NGEF: variants seen among roughly 807,000 people sequenced by gnomAD.
The protein encoded by NGEF is neuronal guanine nucleotide exchange factor, also known as ephexin-1.
Under a neutral mutation model 80.9 loss-of-function variants are expected in NGEF, and 31 were observed. That is an observed-to-expected ratio of 0.38 (90% CI 0.29 to 0.52). NGEF has a LOEUF of 0.52. NGEF is among the 20% of genes least tolerant of loss of function. The probability of loss-of-function intolerance (pLI) is 0.84; values close to 1 mark genes in which losing one functional copy is unlikely to be tolerated. For missense variants in NGEF, 709 were observed against 926.2 expected (o/e 0.77, Z 3.04); for synonymous variants, 371 against 370.2 (o/e 1.00, Z -0.03).
chr2:232,933,114 A>AT (rs1693251341), intron 3 of NGEF, among the ~76,000 whole-genome samples: 1 of 142,610 alleles, frequency 7.0e-6, no homozygotes, highest in South Asian at 2.2e-4. Context: ...CATCTCAAAA[A>AT]TAAATAAATA....
At chr2:232,889,098 C>A (rs1338447474) in intron 8 of NGEF, among the ~76,000 whole-genome samples, 1 of 152,216 alleles carries the variant, frequency 6.6e-6, no homozygotes, top group Non-Finnish European at 1.5e-5. Context: ...CTCTGCCTGG[C>A]AGCCAAGCCA....
intron 3 of NGEF, chr2:232,928,294 G>T: frequency 1.9e-6 from 1 of 519,734 alleles, no homozygotes; most frequent in South Asian, 8.7e-5. Context: ...CCCCGCGAGC[G>T]CCGACTGCGG....
At chr2:232,941,475 C>T (rs183934807) in intron 3 of NGEF, among the ~76,000 whole-genome samples, 27 of 152,298 alleles carry the variant, frequency 1.8e-4, no homozygotes, top group Admixed American at 3.3e-4. Flanking sequence ...GTTCAGCCTA[C>T]GCCCAGGAAT....
chr2:232,879,768 T>G (rs58835825), intron 14 of NGEF, 89 bp from the exon 15 acceptor site: 86,452 of 1,291,758 alleles, frequency 0.067, 3,420 homozygotes, highest in East Asian at 0.17. Flanking sequence ...CCCCCATCTG[T>G]GGCGGGACAC....
At chr2:232,995,883 A>G (rs1694832197) in intron 1 of NGEF, among the ~76,000 whole-genome samples, 1 of 151,162 alleles carries the variant, frequency 6.6e-6, no homozygotes, top group African/African-American at 2.4e-5. Context: ...TACATACACT[A>G]TAATACATAT....
At chr2:232,888,187 C>T (rs1691753883) in intron 8 of NGEF, 80 bp from the exon 9 acceptor site, 6 of 979,610 alleles carry the variant, frequency 6.1e-6, no homozygotes, top group Non-Finnish European at 9.4e-6. Flanking sequence ...GTGACTACCT[C>T]CCTACTGCAC....
intron 1 of NGEF, among the ~76,000 whole-genome samples, chr2:232,984,290 G>C (rs547463398): frequency 6.8e-6 from 1 of 147,036 alleles, no homozygotes; most frequent in Non-Finnish European, 1.5e-5. Flanking sequence ...TGGATGTCTT[G>C]TTATGTTACC....
intron 1 of NGEF, among the ~76,000 whole-genome samples, chr2:232,993,495 T>A (rs1233273072): frequency 6.6e-6 from 1 of 152,070 alleles, no homozygotes; most frequent in Non-Finnish European, 1.5e-5. Flanking sequence ...TGGGGCACTT[T>A]GGAAAATTGT....
At chr2:232,927,300 G>T (rs971827792) in intron 3 of NGEF, 114 bp from the exon 4 acceptor site, 5 of 1,205,910 alleles carry the variant, frequency 4.1e-6, no homozygotes, top group Non-Finnish European at 2.2e-6. Context: ...CCTTACCCGG[G>T]ACCGTCCAGG....
chr2:232,887,994 A>G, intron 9 of NGEF, 39 bp downstream of exon 9: 1 of 1,521,248 alleles, frequency 6.6e-7, no homozygotes, highest in Non-Finnish European at 9.1e-7. Flanking sequence ...TGAGGAAAAC[A>G]GTGCATTGGG....
At chr2:232,921,933 C>A (rs1392633942) in intron 4 of NGEF, among the ~76,000 whole-genome samples, 1 of 152,120 alleles carries the variant, frequency 6.6e-6, no homozygotes, top group Non-Finnish European at 1.5e-5. Context: ...TTCAGGTGAC[C>A]AGTGGGACGG....
intron 3 of NGEF, among the ~76,000 whole-genome samples, chr2:232,941,050 A>G (rs1439893438): frequency 1.3e-5 from 2 of 151,890 alleles, no homozygotes; most frequent in African/African-American, 4.8e-5. Flanking sequence ...GCATTCAGGG[A>G]GCAGAGTTTT....
chr2:232,995,973 G>A (rs947444982), intron 1 of NGEF, among the ~76,000 whole-genome samples: 14 of 151,712 alleles, frequency 9.2e-5, no homozygotes, highest in African/African-American at 2.9e-4. Flanking sequence ...GGGTGTGAGC[G>A]TAAAACTGAA....
intron 5 of NGEF, among the ~76,000 whole-genome samples, chr2:232,908,973 T>A (rs1005161070): frequency 1.8e-4 from 27 of 152,182 alleles, no homozygotes; most frequent in African/African-American, 5.6e-4. Flanking sequence ...CGTCCAGTGT[T>A]TTTATTTGAT....
chr2:232,988,059 G>C (rs1046674327), intron 1 of NGEF, among the ~76,000 whole-genome samples: 3 of 151,836 alleles, frequency 2.0e-5, no homozygotes, highest in Non-Finnish European at 4.4e-5. Flanking sequence ...GTGTGTGTGT[G>C]TGTGTGTGTG....
intron 3 of NGEF, among the ~76,000 whole-genome samples, chr2:232,954,998 T>C (rs1337725381): frequency 6.6e-6 from 1 of 152,010 alleles, no homozygotes; most frequent in Non-Finnish European, 1.5e-5. Flanking sequence ...AGCTTACTTT[T>C]TCTTCGTAAT....
chr2:232,933,236 G>C (rs556755926), intron 3 of NGEF, among the ~76,000 whole-genome samples: 6 of 152,204 alleles, frequency 3.9e-5, no homozygotes, highest in African/African-American at 1.4e-4. Context: ...CTTTGTGATG[G>C]AATTTTGCAG....
Position 232,970,253 on chromosome 2 carries a change from C to G in NGEF, c.344G>C (p.Arg115Thr). The change falls in exon 3 of 15, where the codon AGA becomes ACA. Residue 115 changes from arginine to threonine, a missense_variant. Physicochemically the swap from Arg to Thr is moderately conservative, Grantham distance 71. Coordinates refer to ENST00000264051, the MANE Select transcript of NGEF (RefSeq NM_019850.3). Reference sequence around the variant, plus strand: ...TCCTGGGTCTGTCTGCATTGCTGTTCTGCAAGGAGGCATTCTGCTCCAGGG... The same window carrying G: ...TCCTGGGTCTGTCTGCATTGCTGTTGTGCAAGGAGGCATTCTGCTCCAGGG... ...NIPWSRMPPC[R>T]TAMQTDPGAQ... 1 of 1,602,710 alleles carries G rather than the reference C, an allele frequency of 6.2e-7. No individual in the cohort carries two copies. Among genetic ancestry groups the G allele is most frequent in the Non-Finnish European group, 8.5e-7 (1 of 1,176,450 alleles).
At position 232,886,261 on chromosome 2, in the gene NGEF, A is replaced by G. The variant is rs6706932; in HGVS notation, c.1348-892T>C. Among the ~76,000 whole-genome samples the G allele has an allele frequency of 6.4e-3, 628 of 98,512 alleles. 7 individuals are homozygous for G. The highest frequency in any genetic ancestry group is 0.022 in the African/African-American group (558 of 24,822). 64.6% of individuals were successfully genotyped at this position (98,512 alleles called of 152,430 possible). A position where few individuals can be genotyped will look rare whatever the true frequency, so the allele number is the denominator to read the frequency against. On this transcript the variant is annotated intron_variant, in intron 9 of 14. Transcript: ENST00000264051. ...GTGTGTGTGCAGTGTGTATTGTGTG[A>G]TATGTAGGGGCCGTGTATGTGTGTG...
Sources: allele counts gnomAD v4.1 joint callset (sites outside exome capture counted in the v4.1 genomes callset), GRCh38; gene constraint gnomAD v4.1.1; transcripts MANE v1.5; gene names NCBI Gene and HGNC (gene_info 2026-07-23, HGNC 2026-07-21).